EPHA6: variants seen among roughly 807,000 people sequenced by gnomAD.
The protein encoded by EPHA6 is ephrin type-A receptor 6.
EPHA6 carries 50 observed loss-of-function variants against 112.0 expected under a neutral mutation model. The ratio of observed to expected loss-of-function variants is 0.45; its 90% CI spans 0.36 to 0.56. EPHA6 has a LOEUF of 0.56. EPHA6 is among the 20% of genes least tolerant of loss of function. The pLI is 0.00. For missense variants in EPHA6, 1,280 were observed against 1,417.4 expected, an observed-to-expected ratio of 0.90 and a Z score of 1.56; for synonymous variants, 529 against 490.7, an observed-to-expected ratio of 1.08 and a Z score of -1.03.
intron 3 of EPHA6, among the ~76,000 whole-genome samples, chr3:97,027,883 G>A (rs2044696446): frequency 6.6e-6 from 1 of 152,102 alleles, no homozygotes; most frequent in Non-Finnish European, 1.5e-5. Flanking sequence ...AATCAAGAAT[G>A]ATATGCAATT....
chr3:97,323,766 G>A (rs925707050), intron 5 of EPHA6, among the ~76,000 whole-genome samples: 21 of 151,938 alleles, frequency 1.4e-4, no homozygotes, highest in Non-Finnish European at 2.5e-4. Context: ...CCCCACAATA[G>A]CGCCACAGGG....
intron 1 of EPHA6, among the ~76,000 whole-genome samples, chr3:96,849,508 T>C (rs1026654728): frequency 2.0e-5 from 3 of 152,168 alleles, no homozygotes; most frequent in Non-Finnish European, 4.4e-5. Context: ...AGTTGCTTGG[T>C]AGAATCCTTC....
At chr3:96,822,266 A>C in intron 1 of EPHA6, among the ~76,000 whole-genome samples, 1 of 151,916 alleles carries the variant, frequency 6.6e-6, no homozygotes, top group East Asian at 1.9e-4. Flanking sequence ...TGGTGTGCTT[A>C]TTTTTGGTGG....
chr3:97,465,018 C>G (rs2091008970), intron 7 of EPHA6, among the ~76,000 whole-genome samples: 1 of 152,108 alleles, frequency 6.6e-6, no homozygotes, highest in Non-Finnish European at 1.5e-5. Context: ...GCTTATCTTT[C>G]TACCTGCCAT....
In EPHA6 at chr3:97,205,667, A is replaced by G. The variant is rs542019507; in HGVS notation, c.1115-20597A>G. The stretch of plus-strand genomic sequence containing the variant: ...CTAGGGGTCTTGGAATCAATACCCC[A>G]CTTATACTGAGGGAGGACTATACAT... On this transcript the variant is annotated intron_variant, in intron 3 of 17. Coordinates refer to ENST00000389672, the MANE Select transcript of EPHA6 (RefSeq NM_001080448.3). 4.6e-3 allele frequency among the ~76,000 whole-genome samples: 706 copies of G among 152,162 alleles called. 5 individuals are homozygous for G. The highest frequency in any genetic ancestry group is 0.016 in the African/African-American group (681 of 41,546).
At chr3:97,448,240 C>G (rs1410169350) in intron 6 of EPHA6, among the ~76,000 whole-genome samples, 1 of 152,132 alleles carries the variant, frequency 6.6e-6, no homozygotes, top group African/African-American at 2.4e-5. Flanking sequence ...CCATTTTGCT[C>G]AAGATGCAGC....
intron 5 of EPHA6, among the ~76,000 whole-genome samples, chr3:97,353,929 G>A (rs1296726029): frequency 6.6e-6 from 1 of 152,186 alleles, no homozygotes; most frequent in South Asian, 2.1e-4. Context: ...TCAGCTCAGA[G>A]AGAGAGATTC....
chr3:97,084,815 G>A (rs1342558737), intron 3 of EPHA6, among the ~76,000 whole-genome samples: 3 of 152,010 alleles, frequency 2.0e-5, no homozygotes, highest in Non-Finnish European at 4.4e-5. Flanking sequence ...CATTAAAATG[G>A]CCGTACTACC....
intron 14 of EPHA6, among the ~76,000 whole-genome samples, chr3:97,658,441 A>G (rs956732453): frequency 2.0e-5 from 3 of 151,930 alleles, no homozygotes; most frequent in East Asian, 1.9e-4. Flanking sequence ...TGGCCAGAAC[A>G]TAGACAACTT....
intron 5 of EPHA6, among the ~76,000 whole-genome samples, chr3:97,260,091 G>A (rs1388416027): frequency 3.9e-5 from 6 of 152,132 alleles, no homozygotes; most frequent in African/African-American, 9.7e-5. Flanking sequence ...ATGAGCCACC[G>A]TGCCCAGCCA....
At chr3:96,859,247 ATTCT>A (rs751188750) in intron 1 of EPHA6, among the ~76,000 whole-genome samples, 56 of 152,162 alleles carry the variant, frequency 3.7e-4, no homozygotes, top group Non-Finnish European at 7.5e-4. Flanking sequence ...GGACAAAAGA[ATTCT>A]TTAATTTTAA....
Position 97,227,301 on chromosome 3 carries a change from GCCTCCA to G in EPHA6, c.1270+888_1270+893del, listed in dbSNP as rs1233736121. ...AGTGGCATGATCCCGGCTCACTGCA[GCCTCCA>G]CCTCCCGGATTCAAGCGATTCTCCT... On this transcript the variant is annotated intron_variant, in intron 4 of 17. Transcript: ENST00000389672. Among the ~76,000 whole-genome samples, 4 of 151,142 alleles carry G rather than the reference GCCTCCA, an allele frequency of 2.6e-5. No homozygotes were observed. In the South Asian group the frequency reaches 8.3e-4, roughly 31 times the overall value.
intron 3 of EPHA6, among the ~76,000 whole-genome samples, chr3:97,124,764 C>A (rs2048138070): frequency 1.3e-5 from 2 of 152,110 alleles, no homozygotes; most frequent in African/African-American, 4.8e-5. Context: ...CTCATCTTGG[C>A]AAGACAAATG....
At chr3:97,548,182 C>T (rs1254387011) in intron 11 of EPHA6, among the ~76,000 whole-genome samples, 2 of 152,154 alleles carry the variant, frequency 1.3e-5, no homozygotes, top group African/African-American at 4.8e-5. Flanking sequence ...TAGACCGGAG[C>T]TGTTCGTATT....
At chr3:97,703,898 C>A (rs1225392466) in intron 14 of EPHA6, among the ~76,000 whole-genome samples, 1 of 152,126 alleles carries the variant, frequency 6.6e-6, no homozygotes, top group Non-Finnish European at 1.5e-5. Context: ...AGTGAAATTT[C>A]TTTCTTTCTC....
At chr3:96,966,928 T>C (rs1685016438) in intron 2 of EPHA6, among the ~76,000 whole-genome samples, 1 of 152,044 alleles carries the variant, frequency 6.6e-6, no homozygotes, top group South Asian at 2.1e-4. Flanking sequence ...TAACGTAAGC[T>C]TCTTGCCTGT....
intron 2 of EPHA6, among the ~76,000 whole-genome samples, chr3:96,966,031 G>C (rs1021284628): frequency 6.6e-6 from 1 of 151,986 alleles, no homozygotes; most frequent in Admixed American, 6.6e-5. Flanking sequence ...TTTTATTACT[G>C]TGGAATTATA....
rs528561078 is a variant in EPHA6 at position 97,027,170 on chromosome 3, T to C, written c.1114+39177T>C. ...GGATGGAGCTGGAGGCCATTATCCT[T>C]AGCAAACTAACACAGGAACAGAAAA... On this transcript the variant is annotated intron_variant, in intron 3 of 17. Transcript: ENST00000389672. 5.3e-5 allele frequency among the ~76,000 whole-genome samples: 8 copies of C among 152,208 alleles called. No individual in the cohort carries two copies. The East Asian group carries it at 1.4e-3, about 26-fold the overall frequency.
chr3:97,604,596 A>G (rs1418247731), intron 12 of EPHA6, among the ~76,000 whole-genome samples: 1 of 151,740 alleles, frequency 6.6e-6, no homozygotes, highest in Non-Finnish European at 1.5e-5. Context: ...GGACATCAAC[A>G]TTTTAGTGAC....
Sources: gnomAD v4.1 joint callset for allele counts (sites outside exome capture counted in the v4.1 genomes callset) on GRCh38, gnomAD v4.1.1 for gene constraint, MANE v1.5 for transcripts, NCBI Gene and HGNC (gene_info 2026-07-23, HGNC 2026-07-21) for gene names.